PTPRD: variants seen among roughly 807,000 people sequenced by gnomAD.
The protein encoded by PTPRD is receptor-type tyrosine-protein phosphatase delta.
Under a neutral mutation model 214.5 loss-of-function variants are expected in PTPRD, and 34 were observed. That is an observed-to-expected ratio of 0.16 (90% confidence interval 0.12 to 0.21). PTPRD has a LOEUF of 0.21. PTPRD is among the 10% of genes least tolerant of loss of function. The pLI, the probability that PTPRD is intolerant of heterozygous loss-of-function variation, is 1.00. For synonymous variants in PTPRD, 1,128 were observed against 845.7 expected (o/e 1.33, Z -5.79); for missense variants, 2,545 against 2,398.7 (o/e 1.06, Z -1.27).
At chr9:9,962,214 T>C (rs2094410656) in intron 4 of PTPRD, among the ~76,000 whole-genome samples, 1 of 152,042 alleles carries the variant, frequency 6.6e-6, no homozygotes, top group Admixed American at 6.6e-5. Context: ...CGTCAGGAAT[T>C]TATGACTGGT....
chr9:9,373,520 T>A (rs560471473), intron 9 of PTPRD, among the ~76,000 whole-genome samples: 1 of 152,038 alleles, frequency 6.6e-6, no homozygotes, highest in Non-Finnish European at 1.5e-5. Context: ...TCAGGACTGG[T>A]TCTTTCTGGA....
At chr9:9,502,400 G>T (rs1469446019) in intron 8 of PTPRD, among the ~76,000 whole-genome samples, 1 of 151,860 alleles carries the variant, frequency 6.6e-6, no homozygotes, top group African/African-American at 2.4e-5. Context: ...TATTCACTTA[G>T]CATGTCATCC....
intron 11 of PTPRD, among the ~76,000 whole-genome samples, chr9:8,750,316 C>T (rs2093387505): frequency 6.6e-6 from 1 of 151,856 alleles, no homozygotes; most frequent in South Asian, 2.1e-4. Flanking sequence ...GGCCACCACG[C>T]CCGGCTAATT....
At chr9:8,497,719 G>T (rs2097307521) in intron 25 of PTPRD, among the ~76,000 whole-genome samples, 1 of 151,924 alleles carries the variant, frequency 6.6e-6, no homozygotes. Flanking sequence ...AATGAGATGG[G>T]AAAGAAAGAA....
intron 4 of PTPRD, among the ~76,000 whole-genome samples, chr9:9,995,677 C>G (rs767319490): frequency 3.3e-5 from 5 of 152,152 alleles, no homozygotes; most frequent in Non-Finnish European, 7.3e-5. Flanking sequence ...GTTTCCACGT[C>G]TGAATGATTC....
intron 33 of PTPRD, among the ~76,000 whole-genome samples, chr9:8,457,055 G>A (rs1273824575): frequency 6.6e-6 from 1 of 152,166 alleles, no homozygotes; most frequent in Non-Finnish European, 1.5e-5. Context: ...TGAATTTTTT[G>A]TTGGAGTAGA....
chr9:9,235,967 A>G (rs906870694), intron 9 of PTPRD, among the ~76,000 whole-genome samples: 15 of 152,112 alleles, frequency 9.9e-5, no homozygotes, highest in African/African-American at 3.6e-4. Flanking sequence ...GGTTATATTT[A>G]AAAAGAGCAA....
intron 9 of PTPRD, among the ~76,000 whole-genome samples, chr9:9,378,389 T>C (rs566433868): frequency 6.6e-6 from 1 of 152,270 alleles, no homozygotes; most frequent in South Asian, 2.1e-4. Flanking sequence ...AGTATTCCAT[T>C]GTCTGGATAT....
In PTPRD at chr9:9,491,575, C is replaced by A. The variant is rs911644563; in HGVS notation, c.-237+83157G>T. Among the ~76,000 whole-genome samples the A allele has an allele frequency of 2.0e-5, 3 of 150,758 alleles. No homozygotes were observed. In the East Asian group the frequency reaches 5.8e-4, roughly 29 times the overall value. Reference sequence around the variant, plus strand: ...AAGTCTCAATAGGTTAGAAAATAGACATCACACCAAGTGTATCTTCAAACC... The same window carrying A: ...AAGTCTCAATAGGTTAGAAAATAGAAATCACACCAAGTGTATCTTCAAACC... On this transcript the variant is annotated intron_variant, in intron 8 of 45. Coordinates refer to ENST00000381196, the MANE Select transcript of PTPRD (RefSeq NM_002839.4).
intron 3 of PTPRD, among the ~76,000 whole-genome samples, chr9:10,057,477 T>C (rs1248084819): frequency 1.3e-5 from 2 of 148,884 alleles, no homozygotes; most frequent in African/African-American, 5.1e-5. Flanking sequence ...CTTTCTTTCA[T>C]AGACCTAAGG....
chr9:9,649,403 A>T (rs1008238761), intron 7 of PTPRD, among the ~76,000 whole-genome samples: 1 of 152,362 alleles, frequency 6.6e-6, no homozygotes, highest in African/African-American at 2.4e-5. Context: ...AGCAGTGATT[A>T]TAAACTGCTT....
At chr9:9,457,002 G>C (rs778376914) in intron 8 of PTPRD, among the ~76,000 whole-genome samples, 2 of 151,900 alleles carry the variant, frequency 1.3e-5, no homozygotes, top group Non-Finnish European at 2.9e-5. Flanking sequence ...GGAAAAGTAG[G>C]TCCAAATGGC....
intron 3 of PTPRD, among the ~76,000 whole-genome samples, chr9:10,099,652 CA>C (rs2098531645): frequency 6.6e-6 from 1 of 151,652 alleles, no homozygotes; most frequent in Admixed American, 6.6e-5. Context: ...AATGAGGTAG[CA>C]ACAATGAAGG....
chr9:10,027,086 A>C (rs2096937435), intron 4 of PTPRD, among the ~76,000 whole-genome samples: 5 of 152,192 alleles, frequency 3.3e-5, no homozygotes, highest in Admixed American at 2.6e-4. Context: ...CTATTAATTC[A>C]GTTCACTCTG....
chr9:10,216,207 G>A (rs1241841753), intron 3 of PTPRD, among the ~76,000 whole-genome samples: 2 of 151,590 alleles, frequency 1.3e-5, no homozygotes, highest in African/African-American at 4.9e-5. Flanking sequence ...TCTGATTCCT[G>A]AGGTTTTTGG....
chr9:8,354,387 C>T (rs375275507), intron 39 of PTPRD, among the ~76,000 whole-genome samples: 26 of 152,110 alleles, frequency 1.7e-4, no homozygotes, highest in African/African-American at 5.3e-4. Flanking sequence ...ACAAGATGGA[C>T]GAAAATTTCA....
chr9:10,253,879 G>A (rs904645294), intron 3 of PTPRD, among the ~76,000 whole-genome samples: 1 of 152,206 alleles, frequency 6.6e-6, no homozygotes, highest in South Asian at 2.1e-4. Context: ...TGATAACTCT[G>A]TGAAGTAGAA....
At chr9:8,534,204 A>G (rs529704817) in intron 14 of PTPRD, among the ~76,000 whole-genome samples, 1 of 152,086 alleles carries the variant, frequency 6.6e-6, no homozygotes, top group African/African-American at 2.4e-5. Flanking sequence ...TTTCCCTCAT[A>G]TATTGGTTTT....
intron 3 of PTPRD, among the ~76,000 whole-genome samples, chr9:10,120,243 A>C (rs1369397434): frequency 6.6e-6 from 1 of 151,806 alleles, no homozygotes; most frequent in East Asian, 1.9e-4. Flanking sequence ...ACTAGTCATA[A>C]TAATACAACA....
Sources: allele counts gnomAD v4.1 joint callset (sites outside exome capture counted in the v4.1 genomes callset), GRCh38; gene constraint gnomAD v4.1.1; transcripts MANE v1.5; gene names NCBI Gene and HGNC (gene_info 2026-07-23, HGNC 2026-07-21).